The following TP53BP2 variants were observed in gnomAD, a reference collection of about 807,000 sequenced individuals.
TP53BP2 encodes tumor protein p53 binding protein 2.
In TP53BP2, 62 loss-of-function variants were observed where a neutral mutation model predicts 126.2. The observed-to-expected ratio is 0.49, with a 90% CI of 0.40 to 0.61. The LOEUF (loss-of-function observed/expected upper bound fraction) is 0.61. TP53BP2 is among the 20% of genes least tolerant of loss of function. The pLI, the probability that TP53BP2 is intolerant of heterozygous loss-of-function variation, is 0.00. For missense variants in TP53BP2, 1,215 were observed against 1,402.8 expected (o/e 0.87, Z 2.14); for synonymous variants, 485 against 502.9 (o/e 0.96, Z 0.48).
At chr1:223,821,166 C>A in intron 2 of TP53BP2, 54 bp downstream of exon 2, 2 of 1,610,614 alleles carry the variant, frequency 1.2e-6, no homozygotes, top group South Asian at 2.2e-5. Flanking sequence ...GTCTACAAAC[C>A]AACATTAATA....
At chr1:223,787,189 C>A (rs1184555565) in intron 16 of TP53BP2, among the ~76,000 whole-genome samples, 3 of 152,256 alleles carry the variant, frequency 2.0e-5, no homozygotes, top group Non-Finnish European at 4.4e-5. Context: ...AGCCACCACA[C>A]CCGGCCAACA....
At chr1:223,811,195 T>C (rs1005610443) in intron 3 of TP53BP2, among the ~76,000 whole-genome samples, 1 of 152,138 alleles carries the variant, frequency 6.6e-6, no homozygotes, top group African/African-American at 2.4e-5. Flanking sequence ...ACTTAATGTA[T>C]CATAAAAGGA....
At chr1:223,832,192 C>T (rs952834779) in intron 1 of TP53BP2, among the ~76,000 whole-genome samples, 12 of 152,162 alleles carry the variant, frequency 7.9e-5, no homozygotes, top group African/African-American at 2.9e-4. Context: ...AGGGAAATTA[C>T]GCTCTACAAC....
intron 4 of TP53BP2, among the ~76,000 whole-genome samples, chr1:223,807,173 T>C (rs756526143): frequency 6.6e-6 from 1 of 152,226 alleles, no homozygotes. Context: ...CAATAATCTT[T>C]TATTTTAAGT....
Position 223,814,973 on chromosome 1 carries a change from T to C in TP53BP2, c.176-620A>G, listed in dbSNP as rs1459607058. ...AAACAAAAAGAAGGGCACACCTAAATACCTAGTAAAAATAGAAGCTTCAGG... is the reference window on the plus strand; with the variant it reads ...AAACAAAAAGAAGGGCACACCTAAACACCTAGTAAAAATAGAAGCTTCAGG... On this transcript the variant is annotated intron_variant, in intron 2 of 17. Transcript: ENST00000343537. Among the ~76,000 whole-genome samples, 4 of 152,112 alleles carry C rather than the reference T, an allele frequency of 2.6e-5. No individual in the cohort carries two copies. The East Asian group carries it at 7.7e-4, about 29-fold the overall frequency.
rs1419773755 is a variant in TP53BP2 at position 223,780,161 on chromosome 1, A to T, written c.*692T>A. 8 of 152,252 alleles carry T rather than the reference A, an allele frequency of 5.3e-5. No homozygotes were observed. Among genetic ancestry groups the T allele is most frequent in the Non-Finnish European group, 1.2e-4 (8 of 68,048 alleles). 9.4% of individuals were successfully genotyped at this position (152,252 alleles called of 1,614,324 possible). On this transcript the variant is annotated 3_prime_UTR_variant, in exon 18 of 18. Transcript: ENST00000343537. ...TGACAAATATTACGGGTAAGTCTGT[A>T]GCAAGTTTCTAATTTCTGAGATACA...
intron 4 of TP53BP2, 30 bp from the exon 5 acceptor site, chr1:223,806,977 C>T: frequency 6.5e-7 from 1 of 1,536,206 alleles, no homozygotes; most frequent in South Asian, 1.1e-5. Flanking sequence ...TAAACACAAT[C>T]CCAGCTTACT....
intron 9 of TP53BP2, among the ~76,000 whole-genome samples, chr1:223,801,306 A>T (rs1273973000): frequency 6.6e-6 from 1 of 152,234 alleles, no homozygotes; most frequent in Non-Finnish European, 1.5e-5. Context: ...AAACAAAGCA[A>T]ATATAACTCT....
intron 17 of TP53BP2, among the ~76,000 whole-genome samples, chr1:223,782,576 A>G (rs899992601): frequency 6.6e-6 from 1 of 152,100 alleles, no homozygotes; most frequent in Non-Finnish European, 1.5e-5. Context: ...TCTGCCTCCC[A>G]GGCTCAACCG....
At chr1:223,799,585 A>G (rs1316053041) in intron 11 of TP53BP2, among the ~76,000 whole-genome samples, 2 of 152,214 alleles carry the variant, frequency 1.3e-5, no homozygotes, top group African/African-American at 4.8e-5. Flanking sequence ...AATTCACCAC[A>G]CAAGCATTTT....
intron 6 of TP53BP2, among the ~76,000 whole-genome samples, chr1:223,803,682 T>G (rs1571852361): frequency 6.6e-6 from 1 of 152,230 alleles, no homozygotes; most frequent in South Asian, 2.1e-4. Context: ...TTAAAAATAT[T>G]ATTAAACTCC....
intron 6 of TP53BP2, 30 bp downstream of exon 6, chr1:223,804,144 A>G: frequency 6.3e-7 from 1 of 1,584,474 alleles, no homozygotes. Flanking sequence ...ATAAATGTAT[A>G]AAAAAGTAAA....
chr1:223,798,941 G>C lies in TP53BP2; in HGVS notation c.1486-264C>G, dbSNP rs185144495. Among the ~76,000 whole-genome samples, 916 of 152,146 alleles carry C rather than the reference G, an allele frequency of 6.0e-3. 11 individuals are homozygous for C. Among genetic ancestry groups the C allele is most frequent in the African/African-American group, 0.019 (780 of 41,534 alleles). ...ACAAAAATCAGCCAGGCATGGTGGCGGGCGCCTGTAGTCCCAACTACTCAG... is the reference window on the plus strand; with the variant it reads ...ACAAAAATCAGCCAGGCATGGTGGCCGGCGCCTGTAGTCCCAACTACTCAG... On this transcript the variant is annotated intron_variant, in intron 11 of 17. Coordinates refer to ENST00000343537, the MANE Select transcript of TP53BP2 (RefSeq NM_001031685.3).
At chr1:223,834,043 G>A (rs1259713184) in intron 1 of TP53BP2, among the ~76,000 whole-genome samples, 1 of 152,134 alleles carries the variant, frequency 6.6e-6, no homozygotes, top group Non-Finnish European at 1.5e-5. Context: ...TTTCATCAAA[G>A]GCCCAGAGGT....
intron 17 of TP53BP2, among the ~76,000 whole-genome samples, chr1:223,782,783 C>G (rs1379855448): frequency 6.6e-6 from 1 of 152,118 alleles, no homozygotes; most frequent in Non-Finnish European, 1.5e-5. Context: ...GCTGCATAGT[C>G]TAATTGTATT....
chr1:223,829,840 G>T (rs146001140), intron 1 of TP53BP2, among the ~76,000 whole-genome samples: 4 of 151,978 alleles, frequency 2.6e-5, no homozygotes, highest in African/African-American at 9.7e-5. Flanking sequence ...TGGTAACAGA[G>T]TACAGTTTTT....
In TP53BP2 at chr1:223,804,242, G is replaced by C; in HGVS notation, c.581C>G (p.Ala194Gly). The C allele has an allele frequency of 6.2e-7, 1 of 1,614,034 alleles. No homozygotes were observed. The highest frequency in any genetic ancestry group is 8.5e-7 in the Non-Finnish European group (1 of 1,179,962). Reference protein sequence around the residue: ...RLKEIAENQEAKLKKVRALKG... With the variant: ...RLKEIAENQEGKLKKVRALKG... ...AAGTGCTCTCACTTTTTTTAGCTTA[G>C]CTTCCTGATTCTCAGCTATTTCTTT... The change falls in exon 6 of 18, where the codon GCT becomes GGT. Residue 194 changes from alanine (A) to glycine (G), a missense_variant. This residue lies in a region of TP53BP2 where 814 missense variants were observed against 853.0 expected (regional missense o/e 0.95). Transcript: ENST00000343537.
At chr1:223,785,982 C>T (rs1661939182) in intron 16 of TP53BP2, among the ~76,000 whole-genome samples, 1 of 151,676 alleles carries the variant, frequency 6.6e-6, no homozygotes, top group South Asian at 2.1e-4. Context: ...GGGATGTTTA[C>T]AGTGGAAGGA....
rs1452514341 is a variant in TP53BP2 at position 223,796,863 on chromosome 1, C to T, written c.1949-273G>A. On this transcript the variant is annotated intron_variant, in intron 12 of 17. Transcript: ENST00000343537. This position sits in a 1 kb window ranked among gnomAD's most constrained non-coding sequence, Gnocchi z 4.2. ...AGAAAATGTTGCCGTTTTAAGAAAT[C>T]ACTGTAGCATCCAAATTTAAAATAA... Among the ~76,000 whole-genome samples, 2 of 152,190 alleles carry T rather than the reference C, an allele frequency of 1.3e-5. No homozygotes were observed. Among genetic ancestry groups the T allele is most frequent in the Non-Finnish European group, 2.9e-5 (2 of 68,028 alleles).
Sources: gnomAD v4.1 joint callset for allele counts (sites outside exome capture counted in the v4.1 genomes callset) on GRCh38, gnomAD v4.1.1 for gene constraint, gnomAD v4.1.1 regional missense constraint, Gnocchi (gnomAD v3.1) non-coding constraint, MANE v1.5 for transcripts, NCBI Gene and HGNC (gene_info 2026-07-23, HGNC 2026-07-21) for gene names.